The following ITPR2 variants were observed in gnomAD, a reference collection of about 807,000 sequenced individuals.
ITPR2 encodes inositol 1,4,5-trisphosphate receptor type 2.
A neutral mutation model predicts 317.1 loss-of-function variants in ITPR2; 207 were observed. The observed-to-expected ratio is 0.65, with a 90% CI of 0.58 to 0.73. The LOEUF (loss-of-function observed/expected upper bound fraction) is 0.73, where lower values mean the gene tolerates loss of function less well. ITPR2 is among the 30% of genes least tolerant of loss of function. The pLI is 0.00. For synonymous variants in ITPR2, 1,156 were observed against 1,149.1 expected, an observed-to-expected ratio of 1.01 and a Z score of -0.12; for missense variants, 2,613 against 3,284.0, an observed-to-expected ratio of 0.80 and a Z score of 4.99.
intron 1 of ITPR2, among the ~76,000 whole-genome samples, chr12:26,832,339 G>GA (rs1279811387): frequency 6.6e-6 from 1 of 152,230 alleles, no homozygotes; most frequent in African/African-American, 2.4e-5. Flanking sequence ...GGGGTGTTTT[G>GA]TTTTACCTTC....
chr12:26,811,036 C>A (rs1263081724), intron 1 of ITPR2, among the ~76,000 whole-genome samples: 392 of 108,178 alleles, frequency 3.6e-3, no homozygotes, highest in African/African-American at 6.3e-3. Context: ...TTTTAAGTTA[C>A]AAAAAAAAAA....
chr12:26,494,399 GT>G (rs1942885581), intron 38 of ITPR2, 59 bp from the exon 39 acceptor site: 18 of 1,054,862 alleles, frequency 1.7e-5, no homozygotes, highest in Non-Finnish European at 2.1e-5. Flanking sequence ...AATATGTAAG[GT>G]TTTCAAATTC....
At chr12:26,400,104 A>C in intron 53 of ITPR2, 24 bp downstream of exon 53, 1 of 1,579,092 alleles carries the variant, frequency 6.3e-7, no homozygotes, top group Non-Finnish European at 8.6e-7. Flanking sequence ...TGCTCCTTGA[A>C]AAAATACTTT....
intron 21 of ITPR2, among the ~76,000 whole-genome samples, chr12:26,651,577 A>G (rs1947255793): frequency 6.6e-6 from 1 of 152,220 alleles, no homozygotes; most frequent in Non-Finnish European, 1.5e-5. Flanking sequence ...AATTCCATTT[A>G]GAGTACCATG....
chr12:26,377,850 G>T (rs1010688671), intron 55 of ITPR2, among the ~76,000 whole-genome samples: 1 of 151,938 alleles, frequency 6.6e-6, no homozygotes, highest in African/African-American at 2.4e-5. Flanking sequence ...TTCCTTTCTT[G>T]TTCTCACACT....
At chr12:26,484,995 G>A (rs1479312669) in intron 41 of ITPR2, among the ~76,000 whole-genome samples, 5 of 151,846 alleles carry the variant, frequency 3.3e-5, no homozygotes, top group African/African-American at 9.7e-5. Flanking sequence ...GATTACAGGC[G>A]TGAGCCACTG....
intron 45 of ITPR2, among the ~76,000 whole-genome samples, chr12:26,446,378 C>G (rs942024300): frequency 6.6e-6 from 1 of 151,992 alleles, no homozygotes; most frequent in Non-Finnish European, 1.5e-5. Flanking sequence ...ACAACACACA[C>G]AAAAGAGATA....
chr12:26,775,274 G>T (rs2137163075), intron 2 of ITPR2, among the ~76,000 whole-genome samples: 1 of 151,744 alleles, frequency 6.6e-6, no homozygotes, highest in Non-Finnish European at 1.5e-5. Flanking sequence ...ATGAGGTTGG[G>T]AATTAGAATA....
intron 54 of ITPR2, among the ~76,000 whole-genome samples, chr12:26,388,551 T>C (rs1254365277): frequency 6.6e-6 from 1 of 152,106 alleles, no homozygotes; most frequent in African/African-American, 2.4e-5. Context: ...CCTCCCAGGT[T>C]CAATTGATCC....
At chr12:26,695,527 G>T in intron 10 of ITPR2, 79 bp downstream of exon 10, 1 of 1,211,496 alleles carries the variant, frequency 8.3e-7, no homozygotes, top group Non-Finnish European at 1.2e-6. Context: ...CTTCAAATTT[G>T]CTATTAAAAT....
intron 37 of ITPR2, among the ~76,000 whole-genome samples, chr12:26,541,070 G>A (rs969245241): frequency 6.6e-6 from 1 of 150,742 alleles, no homozygotes; most frequent in Non-Finnish European, 1.5e-5. Context: ...CACTTTGGGA[G>A]GCCGAGGCAG....
Position 26,831,763 on chromosome 12 carries a change from AATAT to A in ITPR2, c.92+923_92+926del, listed in dbSNP as rs1175448682. Among the ~76,000 whole-genome samples, 1 of 89,600 alleles carries A rather than the reference AATAT, an allele frequency of 1.1e-5. No homozygotes were observed. The highest frequency in any genetic ancestry group is 3.4e-4 in the South Asian group (1 of 2,910). The allele number at this position is 89,600 out of a possible 152,430, so 58.8% of individuals were successfully genotyped here. A position where few individuals can be genotyped will look rare whatever the true frequency, so the allele number is the denominator to read the frequency against. ...ATATATATTCTACATAAAATATATAAATATATATTCTACATAAAATATATAAATA... is the reference window on the plus strand; with the variant it reads ...ATATATATTCTACATAAAATATATAAATATTCTACATAAAATATATAAATA... On this transcript the variant is annotated intron_variant, in intron 1 of 56. Coordinates refer to ENST00000381340, the MANE Select transcript of ITPR2 (RefSeq NM_002223.4). This position sits in a 1 kb window ranked among gnomAD's most constrained non-coding sequence, Gnocchi z 4.9.
At chr12:26,730,184 AG>A (rs1565723251) in intron 2 of ITPR2, among the ~76,000 whole-genome samples, 1 of 152,200 alleles carries the variant, frequency 6.6e-6, no homozygotes, top group East Asian at 1.9e-4. Context: ...CAGTAAGAAG[AG>A]GATTAGATCT....
At chr12:26,556,807 G>T (rs1427438241) in intron 35 of ITPR2, among the ~76,000 whole-genome samples, 1 of 151,162 alleles carries the variant, frequency 6.6e-6, no homozygotes, top group Non-Finnish European at 1.5e-5. Context: ...AGCCAGGTGC[G>T]GTGCCTCACG....
intron 19 of ITPR2, among the ~76,000 whole-genome samples, chr12:26,656,060 T>A (rs147540728): frequency 6.6e-6 from 1 of 152,314 alleles, no homozygotes; most frequent in African/African-American, 2.4e-5. Context: ...ATTAAGTACT[T>A]ACAATTCTTG....
intron 50 of ITPR2, among the ~76,000 whole-genome samples, chr12:26,416,950 C>G (rs1476870073): frequency 6.6e-6 from 1 of 152,056 alleles, no homozygotes; most frequent in Admixed American, 6.6e-5. Flanking sequence ...AATGCATATG[C>G]CTGGGTTCCG....
rs73300527 is a variant in ITPR2 at position 26,808,817 on chromosome 12, C to T, written c.93-18590G>A. Among the ~76,000 whole-genome samples the T allele has an allele frequency of 1.1e-3, 174 of 152,314 alleles. 1 individual carries two copies. The highest frequency in any genetic ancestry group is 4.0e-3 in the African/African-American group (167 of 41,568). ...TCAAAATGATTATGGAAATTCTGAT[C>T]TCTTAACTCTAACACAGAGGTGTGT... On this transcript the variant is annotated intron_variant, in intron 1 of 56. Transcript: ENST00000381340.
intron 22 of ITPR2, 137 bp from the exon 23 acceptor site, chr12:26,628,299 A>T: frequency 1.7e-6 from 1 of 589,338 alleles, no homozygotes; most frequent in Middle Eastern, 4.0e-4. Context: ...ACCAGTTGCC[A>T]CATGTTTGTC....
chr12:26,484,957 C>T (rs778971017), intron 41 of ITPR2, among the ~76,000 whole-genome samples: 3 of 152,112 alleles, frequency 2.0e-5, no homozygotes, highest in African/African-American at 4.8e-5. Flanking sequence ...CCTTGTGATC[C>T]GCCCATCTTG....
Sources: allele counts gnomAD v4.1 joint callset (sites outside exome capture counted in the v4.1 genomes callset), GRCh38; gene constraint gnomAD v4.1.1; non-coding constraint Gnocchi (gnomAD v3.1); transcripts MANE v1.5; gene names NCBI Gene and HGNC (gene_info 2026-07-23, HGNC 2026-07-21).